Variants in PPEF2 observed in about 807,000 individuals in gnomAD.
PPEF2 encodes serine/threonine-protein phosphatase with EF-hands 2.
A neutral mutation model predicts 84.7 loss-of-function variants in PPEF2; 84 were observed. That is an observed-to-expected ratio of 0.99 (90% CI 0.83 to 1.19). The LOEUF is 1.19. Among genes scored for constraint, PPEF2 ranks in the 50% most tolerant of loss-of-function variants. The pLI is 0.00. For missense variants in PPEF2, 924 were observed against 937.5 expected (o/e 0.99, Z 0.19); for synonymous variants, 346 against 345.2 (o/e 1.00, Z -0.03).
chr4:75,891,948 CATCTCTGG>C lies in PPEF2; in HGVS notation c.78_85del (p.Ile26MetfsTer36). The C allele has an allele frequency of 6.2e-7, 1 of 1,614,074 alleles. No homozygotes were observed. The highest frequency in any genetic ancestry group is 8.5e-7 in the Non-Finnish European group (1 of 1,179,990). ...CAGGCGGGCCACGTAGCGCCGGTAC[CATCTCTGG>C]ATCAGGGCTGCTGCCTTGAAGGCTA... On this transcript the variant is annotated frameshift_variant, in exon 3 of 17. Coordinates refer to ENST00000286719, the MANE Select transcript of PPEF2 (RefSeq NM_006239.3). LOFTEE classifies it high-confidence loss of function.
chr4:75,896,862 A>G (rs566041597), intron 1 of PPEF2, among the ~76,000 whole-genome samples: 1 of 66,318 alleles, frequency 1.5e-5, no homozygotes, highest in Non-Finnish European at 3.9e-5. Context: ...ATCTGTCTCC[A>G]TAGGCCACAC....
chr4:75,884,579 T>C lies in PPEF2; in HGVS notation c.746+15A>G, dbSNP rs1211853511. ...CAAACAAACATCAAATACTCAAGCA[T>C]GTTTTGACTTGTACCGTAAGTTCAC... On this transcript the variant is annotated intron_variant, in intron 8 of 16. Transcript: ENST00000286719. 2 of 1,562,856 alleles carry C rather than the reference T, an allele frequency of 1.3e-6. No homozygotes were observed. The highest frequency in any genetic ancestry group is 1.4e-5 in the African/African-American group (1 of 72,568).
At chr4:75,890,272 G>T in intron 4 of PPEF2, 140 bp from the exon 5 acceptor site, 1 of 902,914 alleles carries the variant, frequency 1.1e-6, no homozygotes, top group Non-Finnish European at 1.7e-6. Flanking sequence ...GATTGCTTGA[G>T]CCCAGGAGTT....
In PPEF2 at chr4:75,872,046, T is replaced by C. The variant is rs1257303182; in HGVS notation, c.1628A>G (p.His543Arg). The change falls in exon 13 of 17, where the codon CAC becomes CGC. Residue 543 changes from histidine (H) to arginine (R), a missense_variant. Transcript: ENST00000286719. ...TTGCCTTTGCCTCATGGTGAGTGTGTGGGTCACCTTGTTAGCTTGATACTG... is the reference window on the plus strand; with the variant it reads ...TTGCCTTTGCCTCATGGTGAGTGTGCGGGTCACCTTGTTAGCTTGATACTG... ...IVQYQANKVT[H>R]TLTMRQRISR... 3 of 1,611,740 alleles carry C rather than the reference T, an allele frequency of 1.9e-6. No individual in the cohort carries two copies. The highest frequency in any genetic ancestry group is 2.2e-5 in the East Asian group (1 of 44,878).
chr4:75,883,074 A>G lies in PPEF2; in HGVS notation c.785T>C (p.Val262Ala). 1.2e-6 allele frequency: 2 copies of G among 1,613,920 alleles called. No individual in the cohort carries two copies. Residue 262 changes from valine (V) to alanine (A), a missense_variant and splice_region_variant, in exon 10 of 17, where the codon GTA becomes GCA. Coordinates refer to ENST00000286719, the MANE Select transcript of PPEF2 (RefSeq NM_006239.3). Reference protein sequence around the residue: ...FTKEVMNKYKVHGKEILRTLQ... With the variant: ...FTKEVMNKYKAHGKEILRTLQ... ...GGTTCTTAGTATTTCCTTCCCGTGT[A>G]CCTGGAAAAAATGATATAAACAAAA...
chr4:75,896,353 G>C lies in PPEF2; in HGVS notation c.-28C>G. On this transcript the variant is annotated 5_prime_UTR_variant, in exon 2 of 17. Transcript: ENST00000286719. ...TTTAAGCGCAATGCTCCTGCAGGAC[G>C]CAGCAGATCCAGAGGACAGTGAGCT... 1 of 1,611,792 alleles carries C rather than the reference G, an allele frequency of 6.2e-7. No individual in the cohort carries two copies. The highest frequency in any genetic ancestry group is 8.5e-7 in the Non-Finnish European group (1 of 1,177,832).
chr4:75,884,594 C>G lies in PPEF2; in HGVS notation c.746G>C (p.Arg249Pro), dbSNP rs138968088. ...TACTCAAGCATGTTTTGACTTGTACCGTAAGTTCACCATATGGTCCTCATG... is the reference window on the plus strand; with the variant it reads ...TACTCAAGCATGTTTTGACTTGTACGGTAAGTTCACCATATGGTCCTCATG... ...GNHEDHMVNLRYGFTKEVMNK... is the reference protein window; with the variant it reads ...GNHEDHMVNLPYGFTKEVMNK... The change falls in exon 8 of 17, where the codon CGA becomes CCA. Residue 249 changes from arginine to proline, a missense_variant and splice_region_variant. By Grantham distance (103) the Arg-to-Pro change is moderately radical. Coordinates refer to ENST00000286719, the MANE Select transcript of PPEF2 (RefSeq NM_006239.3). 2.1e-4 allele frequency: 332 copies of G among 1,590,702 alleles called. 4 individuals carry two copies. In the African/African-American group the frequency reaches 4.1e-3, roughly 20 times the overall value.
In PPEF2 at chr4:75,876,447, G is replaced by A. The variant is rs1419583383; in HGVS notation, c.1160C>T (p.Ser387Phe). 1 of 1,614,106 alleles carries A rather than the reference G, an allele frequency of 6.2e-7. No individual in the cohort carries two copies. Among genetic ancestry groups the A allele is most frequent in the African/African-American group, 1.3e-5 (1 of 75,050 alleles). Residue 387 changes from serine to phenylalanine, a missense_variant, in exon 11 of 17, where the codon TCC (serine) becomes TTC (phenylalanine). By Grantham distance (155) the Ser-to-Phe change is radical. Transcript: ENST00000286719. ...CSGSLDGREL[S>F]RQVRSSVELE... is the part of the protein sequence containing the mutation. The stretch of plus-strand genomic sequence containing the variant: ...TTCCACGGAGCTCCGCACCTGCCGG[G>A]AGAGCTCCCGCCCGTCCAGGGAACC...
At chr4:75,880,293 T>C (rs1724536845) in intron 10 of PPEF2, among the ~76,000 whole-genome samples, 1 of 152,178 alleles carries the variant, frequency 6.6e-6, no homozygotes, top group African/African-American at 2.4e-5. Flanking sequence ...TAAGATAGCA[T>C]CTTTTATAGT....
At chr4:75,886,218 G>C (rs76718083) in intron 7 of PPEF2, among the ~76,000 whole-genome samples, 3 of 152,144 alleles carry the variant, frequency 2.0e-5, no homozygotes, top group African/African-American at 7.2e-5. Flanking sequence ...CTGAACCACA[G>C]GGCAGCGCTG....
intron 2 of PPEF2, among the ~76,000 whole-genome samples, chr4:75,892,876 T>C (rs949689465): frequency 1.3e-5 from 2 of 152,212 alleles, no homozygotes; most frequent in Non-Finnish European, 2.9e-5. Context: ...TGGTGATGAA[T>C]GGACTATTTG....
In PPEF2 at chr4:75,862,173, G is replaced by A. The variant is rs530877646; in HGVS notation, c.2009-1253C>T. On this transcript the variant is annotated intron_variant, in intron 16 of 16. Coordinates refer to ENST00000286719, the MANE Select transcript of PPEF2 (RefSeq NM_006239.3). The stretch of plus-strand genomic sequence containing the variant: ...CTGGGCATGGTGGCAGGTGCCTGTA[G>A]TCCCAGCTACTCAGCAGGCTGAGGC... Among the ~76,000 whole-genome samples, 10 of 151,048 alleles carry A rather than the reference G, an allele frequency of 6.6e-5. No individual in the cohort carries two copies. The South Asian group carries it at 1.9e-3, about 29-fold the overall frequency.
rs563497303 is a variant in PPEF2, at chr4:75,862,628, A to G, written c.2009-1708T>C. On this transcript the variant is annotated intron_variant, in intron 16 of 16. Transcript: ENST00000286719. ...AATAAAAACTAAAAAAAAACCCCAC[A>G]AAAAACAAAAATGGAAAATAACAAG... 1.8e-4 allele frequency among the ~76,000 whole-genome samples: 28 copies of G among 152,274 alleles called. No homozygotes were observed. In the Middle Eastern group the frequency reaches 0.01, roughly 55 times the overall value.
intron 6 of PPEF2, 81 bp downstream of exon 6, chr4:75,888,133 G>T: frequency 1.8e-6 from 2 of 1,099,894 alleles, no homozygotes; most frequent in South Asian, 1.3e-5. Context: ...CCTGCAGCCC[G>T]CCACTCCTCT....
intron 2 of PPEF2, among the ~76,000 whole-genome samples, chr4:75,893,411 T>G (rs1724935227): frequency 6.6e-6 from 1 of 152,038 alleles, no homozygotes; most frequent in Admixed American, 6.6e-5. Flanking sequence ...GGTAGGAGAA[T>G]CATTTGAACC....
chr4:75,866,467 T>C (rs527801382), intron 14 of PPEF2, 115 bp from the exon 15 acceptor site: 94 of 1,318,538 alleles, frequency 7.1e-5, no homozygotes, highest in Non-Finnish European at 9.2e-5. Flanking sequence ...ATAGAAATAA[T>C]GGGCACTGTC....
chr4:75,890,122 C>G lies in PPEF2; in HGVS notation c.252G>C (p.Leu84=), dbSNP rs1483960813. The G allele has an allele frequency of 1.8e-5, 29 of 1,613,756 alleles. No individual in the cohort carries two copies. In the Admixed American group the frequency reaches 4.8e-4, roughly 27 times the overall value. Residue 84 remains leucine (L), a synonymous_variant, in exon 5 of 17, where the codon CTG becomes CTC. Coordinates refer to ENST00000286719, the MANE Select transcript of PPEF2 (RefSeq NM_006239.3). ...ATCTGTCCTCAGTGAATATGCGGGTCAGGAAGTCCCCTAGTCCAGATAGAA... is the reference window on the plus strand; with the variant it reads ...ATCTGTCCTCAGTGAATATGCGGGTGAGGAAGTCCCCTAGTCCAGATAGAA... ...IPSSHNDRDF[L]TRIFTEDRFA...
chr4:75,877,059 G>GC (rs1724444492), intron 10 of PPEF2, among the ~76,000 whole-genome samples: 2 of 51,898 alleles, frequency 3.9e-5, no homozygotes. Context: ...GAGAAGCCAG[G>GC]TGCGGTGGCT....
At chr4:75,861,097 T>A (rs1463313240) in intron 16 of PPEF2, among the ~76,000 whole-genome samples, 177 bp from the exon 17 acceptor site, 4 of 152,176 alleles carry the variant, frequency 2.6e-5, no homozygotes, top group Non-Finnish European at 5.9e-5. Flanking sequence ...CCAATGATTT[T>A]CAGCTGGGAG....
Sources: gnomAD v4.1 joint callset for allele counts (sites outside exome capture counted in the v4.1 genomes callset) on GRCh38, gnomAD v4.1.1 for gene constraint, MANE v1.5 for transcripts, NCBI Gene and HGNC (gene_info 2026-07-23, HGNC 2026-07-21) for gene names.